Variants in VAV3 observed in about 807,000 individuals in gnomAD.
VAV3 encodes vav guanine nucleotide exchange factor 3, also known as guanine nucleotide exchange factor VAV3.
VAV3 carries 94 observed loss-of-function variants against 131.2 expected under a neutral mutation model. The ratio of observed to expected loss-of-function variants is 0.72; its 90% CI spans 0.61 to 0.85. The LOEUF (loss-of-function observed/expected upper bound fraction) is 0.85. Ranked by LOEUF, VAV3 falls within the 40% of genes least tolerant of loss-of-function variation. VAV3 has a pLI of 0.00. For synonymous variants in VAV3, 349 were observed against 342.0 expected (o/e 1.02, Z -0.22); for missense variants, 939 against 1,002.7 (o/e 0.94, Z 0.86).
intron 25 of VAV3, among the ~76,000 whole-genome samples, chr1:107,590,791 C>A (rs949071872): frequency 1.6e-4 from 24 of 152,304 alleles, no homozygotes; most frequent in African/African-American, 5.5e-4. Flanking sequence ...AAACCTGCCA[C>A]TATCCTTCTC....
At chr1:107,591,896 CA>C (rs1460434581) in intron 25 of VAV3, among the ~76,000 whole-genome samples, 2 of 152,110 alleles carry the variant, frequency 1.3e-5, no homozygotes, top group African/African-American at 4.8e-5. Flanking sequence ...GTACAATTAT[CA>C]AAAGCAGAAA....
chr1:107,810,469 A>C (rs1478947353), intron 2 of VAV3, among the ~76,000 whole-genome samples: 1 of 152,180 alleles, frequency 6.6e-6, no homozygotes, highest in Non-Finnish European at 1.5e-5. Flanking sequence ...ATTTATATCT[A>C]TAACTAAAGA....
intron 3 of VAV3, among the ~76,000 whole-genome samples, chr1:107,777,928 C>T (rs1197348514): frequency 6.6e-6 from 1 of 152,092 alleles, no homozygotes; most frequent in Non-Finnish European, 1.5e-5. Flanking sequence ...TTTCTTTGTT[C>T]CCTATTCAAG....
chr1:107,858,824 T>C (rs1011888745), intron 2 of VAV3, among the ~76,000 whole-genome samples: 1 of 152,200 alleles, frequency 6.6e-6, no homozygotes, highest in Non-Finnish European at 1.5e-5. Context: ...AAATGCTCCA[T>C]AGAAATGAAA....
intron 19 of VAV3, among the ~76,000 whole-genome samples, chr1:107,681,953 C>T (rs1230990712): frequency 2.6e-5 from 4 of 152,166 alleles, no homozygotes; most frequent in African/African-American, 9.7e-5. Context: ...AGCCACTGCA[C>T]CCAGCCACGT....
chr1:107,742,913 G>A (rs1184497013), intron 15 of VAV3, among the ~76,000 whole-genome samples: 1 of 152,182 alleles, frequency 6.6e-6, no homozygotes, highest in Non-Finnish European at 1.5e-5. Flanking sequence ...ATAGGGGTCA[G>A]GAGAGATCTC....
intron 1 of VAV3, among the ~76,000 whole-genome samples, chr1:107,918,852 T>C (rs345312): frequency 0.81 from 121,853 of 151,356 alleles, 49,194 homozygotes; most frequent in East Asian, 0.98. Flanking sequence ...ATTACAGACA[T>C]CCACCACCAT....
intron 19 of VAV3, chr1:107,672,394 A>G (rs986850307): frequency 3.3e-5 from 5 of 152,038 alleles, no homozygotes; most frequent in Non-Finnish European, 7.4e-5. Flanking sequence ...CTTAAATAAA[A>G]ATAAGTTAAA....
chr1:107,748,640 A>G (rs1663508031), intron 15 of VAV3, among the ~76,000 whole-genome samples: 1 of 152,234 alleles, frequency 6.6e-6, no homozygotes, highest in Non-Finnish European at 1.5e-5. Context: ...TATAGTTATT[A>G]CATAAAAAGT....
At chr1:107,939,070 C>T (rs1037230989) in intron 1 of VAV3, among the ~76,000 whole-genome samples, 6 of 152,216 alleles carry the variant, frequency 3.9e-5, no homozygotes, top group Admixed American at 2.0e-4. Context: ...GCCCCAGAAT[C>T]GCTGTGGACC....
At chr1:107,902,726 C>G (rs140279754) in intron 1 of VAV3, among the ~76,000 whole-genome samples, 1 of 151,958 alleles carries the variant, frequency 6.6e-6, no homozygotes, top group African/African-American at 2.4e-5. Context: ...ATCTATGTAT[C>G]AACAAGAGAG....
chr1:107,683,295 A>G (rs1172398903), intron 19 of VAV3, among the ~76,000 whole-genome samples, 193 bp downstream of exon 19: 2 of 152,196 alleles, frequency 1.3e-5, no homozygotes, highest in Non-Finnish European at 2.9e-5. Context: ...AAAGAGTGCA[A>G]TGCTGGTAGT....
intron 2 of VAV3, among the ~76,000 whole-genome samples, chr1:107,804,604 G>A (rs900588051): frequency 2.6e-5 from 4 of 152,032 alleles, no homozygotes; most frequent in Admixed American, 1.3e-4. Context: ...TATCTCAACA[G>A]GTTTCTGTAG....
At chr1:107,938,412 G>T (rs554958344) in intron 1 of VAV3, among the ~76,000 whole-genome samples, 2 of 152,300 alleles carry the variant, frequency 1.3e-5, no homozygotes, top group South Asian at 4.1e-4. Context: ...GACCACAGGG[G>T]TGGGTTTTTT....
rs539967744 is a variant in VAV3, at chr1:107,758,435, G to C, written c.1018-1106C>G. Among the ~76,000 whole-genome samples, 3 of 152,260 alleles carry C rather than the reference G, an allele frequency of 2.0e-5. No homozygotes were observed. In the South Asian group the frequency reaches 6.2e-4, roughly 32 times the overall value. On this transcript the variant is annotated intron_variant, in intron 10 of 26. Transcript: ENST00000370056. Reference sequence around the variant, plus strand: ...AAAAAATTAAAAATTAGCTGGGCAAGGTGGCATGAGCCTGTAGTCTCAGCT... The same window carrying C: ...AAAAAATTAAAAATTAGCTGGGCAACGTGGCATGAGCCTGTAGTCTCAGCT...
chr1:107,915,579 T>G (rs1368604186), intron 1 of VAV3, among the ~76,000 whole-genome samples: 1 of 152,202 alleles, frequency 6.6e-6, no homozygotes, highest in Non-Finnish European at 1.5e-5. Flanking sequence ...AGAGTTATTT[T>G]GAGGCTTAAA....
At chr1:107,900,880 A>C (rs1184048084) in intron 1 of VAV3, among the ~76,000 whole-genome samples, 1 of 152,214 alleles carries the variant, frequency 6.6e-6, no homozygotes, top group Non-Finnish European at 1.5e-5. Context: ...AATAGTGTCC[A>C]CAAGTTATTT....
At chr1:107,712,000 T>C (rs1343175515) in intron 15 of VAV3, among the ~76,000 whole-genome samples, 1 of 152,126 alleles carries the variant, frequency 6.6e-6, no homozygotes. Context: ...ATTCAATAAA[T>C]TAAAAGCCGC....
intron 18 of VAV3, among the ~76,000 whole-genome samples, chr1:107,687,577 G>A (rs967159786): frequency 2.0e-5 from 3 of 152,104 alleles, no homozygotes; most frequent in African/African-American, 7.2e-5. Context: ...GGGGCAGTCA[G>A]GTAAGAAATC....
Sources: allele counts gnomAD v4.1 joint callset (sites outside exome capture counted in the v4.1 genomes callset), GRCh38; gene constraint gnomAD v4.1.1; transcripts MANE v1.5; gene names NCBI Gene and HGNC (gene_info 2026-07-23, HGNC 2026-07-21).